Variants in ZBP1 observed in about 807,000 individuals in gnomAD.
ZBP1 encodes the protein Z-DNA-binding protein 1.
In ZBP1, 42 loss-of-function variants were observed where a neutral mutation model predicts 41.1. The observed-to-expected ratio is 1.02, with a 90% CI of 0.80 to 1.32. The LOEUF is 1.32. Among genes scored for constraint, ZBP1 ranks in the 40% most tolerant of loss-of-function variants. The pLI is 0.00. For missense variants in ZBP1, 562 were observed against 549.7 expected, an observed-to-expected ratio of 1.02 and a Z score of -0.22; for synonymous variants, 214 against 205.2, an observed-to-expected ratio of 1.04 and a Z score of -0.37.
At chr20:57,605,659 G>A (rs574826046) in intron 7 of ZBP1, among the ~76,000 whole-genome samples, 6 of 152,174 alleles carry the variant, frequency 3.9e-5, no homozygotes, top group Non-Finnish European at 7.3e-5. Flanking sequence ...AATGGGCCGG[G>A]CGCCGTGGGT....
Position 57,604,752 on chromosome 20 carries a change from T to G in ZBP1, c.1111A>C (p.Thr371Pro), listed in dbSNP as rs35727707. 15 of 1,613,970 alleles carry G rather than the reference T, an allele frequency of 9.3e-6. No individual in the cohort carries two copies. In the Admixed American group the frequency reaches 2.3e-4, roughly 25 times the overall value. ...CGAGGAAAGTGACTTCTGGATTGTGTGTCTGCGGGACGACGACCTAGGGAA... is the reference window on the plus strand; with the variant it reads ...CGAGGAAAGTGACTTCTGGATTGTGGGTCTGCGGGACGACGACCTAGGGAA... ...GEDAGRRPAD[T>P]QSRSHFPRDI... Residue 371 changes from threonine to proline, a missense_variant, in exon 8 of 8, where the codon ACA becomes CCA. Transcript: ENST00000371173.
rs182063619 is a variant in ZBP1, at chr20:57,610,611, C to T, written c.875-244G>A. On this transcript the variant is annotated intron_variant, in intron 6 of 7. Transcript: ENST00000371173. This position sits in a 1 kb window ranked among gnomAD's most constrained non-coding sequence, Gnocchi z 5.5. ...CGCAGTGGGTCTGCCCCACTGATCCCGCCCGGCTGATCTGGACGTCAGTGT... is the reference window on the plus strand; with the variant it reads ...CGCAGTGGGTCTGCCCCACTGATCCTGCCCGGCTGATCTGGACGTCAGTGT... The T allele has an allele frequency of 5.9e-5, 34 of 572,914 alleles. No homozygotes were observed. The highest frequency in any genetic ancestry group is 1.2e-4 in the Admixed American group (4 of 32,868). 35.5% of individuals were successfully genotyped at this position (572,914 alleles called of 1,614,324 possible).
intron 2 of ZBP1, chr20:57,616,041 C>G (rs1488305356): frequency 3.3e-6 from 2 of 609,656 alleles, no homozygotes; most frequent in Non-Finnish European, 5.8e-6. Flanking sequence ...GAGCCTGACG[C>G]AGGGCCTCCT....
chr20:57,605,499 C>T (rs973878991), intron 7 of ZBP1, among the ~76,000 whole-genome samples: 2 of 152,204 alleles, frequency 1.3e-5, no homozygotes, highest in Middle Eastern at 3.2e-3. Flanking sequence ...CCACAAATAT[C>T]ACCTGTAGAA....
At chr20:57,614,821 G>C (rs2070772938) in intron 4 of ZBP1, 66 bp downstream of exon 4, 2 of 1,589,246 alleles carry the variant, frequency 1.3e-6, no homozygotes, top group Non-Finnish European at 1.7e-6. Context: ...AGAGCACCCA[G>C]CAAAGACCAA....
At chr20:57,615,688 T>C (rs905228417) in intron 2 of ZBP1, 108 bp from the exon 3 acceptor site, 11 of 911,004 alleles carry the variant, frequency 1.2e-5, no homozygotes, top group Non-Finnish European at 1.3e-5. Flanking sequence ...TGCCGGTAGT[T>C]GCAAACTCAG....
rs1362198792 is a variant in ZBP1 at position 57,604,706 on chromosome 20, G to A, written c.1157C>T (p.Thr386Ile). 8.1e-6 allele frequency: 13 copies of A among 1,614,096 alleles called. No homozygotes were observed. Among genetic ancestry groups the A allele is most frequent in the Admixed American group, 5.0e-5 (3 of 60,006 alleles). ...HFPRDIGQPI[T>I]PSHSKLTPKL... ...GGGGGTGAGCTTCGAGTGGCTGGGA[G>A]TGATGGGCTGACCAATGTCTCGAGG... Residue 386 changes from threonine (T) to isoleucine (I), a missense_variant, in exon 8 of 8, where the codon ACT becomes ATT. Coordinates refer to ENST00000371173, the MANE Select transcript of ZBP1 (RefSeq NM_030776.3).
rs117918910 is a variant in ZBP1, at chr20:57,615,777, G to A, written c.260-197C>T. ...CGGCTTCCTGCCGATTAACTTCTCC[G>A]GGGCTCAGCCTCCTTTGCCTCCTGG... On this transcript the variant is annotated intron_variant, in intron 2 of 7. Transcript: ENST00000371173. 2,392 of 557,576 alleles carry A rather than the reference G, an allele frequency of 4.3e-3. 12 individuals are homozygous for A. The highest frequency in any genetic ancestry group is 5.3e-3 in the South Asian group (222 of 41,942). The allele number at this position is 557,576 out of a possible 1,614,324, so 34.5% of individuals were successfully genotyped here.
At position 57,610,537 on chromosome 20, in the gene ZBP1, G is replaced by GCCACAC; in HGVS notation, c.875-171_875-170insGTGTGG. On this transcript the variant is annotated intron_variant, in intron 6 of 7. Coordinates refer to ENST00000371173, the MANE Select transcript of ZBP1 (RefSeq NM_030776.3). This position sits in a 1 kb window ranked among gnomAD's most constrained non-coding sequence, Gnocchi z 5.5. ...CCACACCTCCACCCGCCACACCTCC[G>GCCACAC]CTCGTGCTGTTGTGCTGTCTGGGAA... 2 of 638,138 alleles carry GCCACAC rather than the reference G, an allele frequency of 3.1e-6. No homozygotes were observed. Among genetic ancestry groups the GCCACAC allele is most frequent in the Non-Finnish European group, 5.5e-6 (2 of 366,582 alleles). The allele number at this position is 638,138 out of a possible 1,614,324, so 39.5% of individuals were successfully genotyped here.
chr20:57,618,494 C>T (rs1600748145), intron 1 of ZBP1, among the ~76,000 whole-genome samples: 2 of 151,756 alleles, frequency 1.3e-5, no homozygotes, highest in South Asian at 4.2e-4. Context: ...ATTCCCACTC[C>T]TGCGCCCACC....
At position 57,610,050 on chromosome 20, in the gene ZBP1, C is replaced by T; in HGVS notation, c.1093+99G>A. 8.8e-6 allele frequency: 12 copies of T among 1,363,158 alleles called. No individual in the cohort carries two copies. The highest frequency in any genetic ancestry group is 1.2e-5 in the Non-Finnish European group (12 of 974,676). The allele number at this position is 1,363,158 out of a possible 1,614,324, so 84.4% of individuals were successfully genotyped here. On this transcript the variant is annotated intron_variant, in intron 7 of 7. Transcript: ENST00000371173. The surrounding 1 kb of genome is among the most constrained non-coding windows in gnomAD (Gnocchi z 5.5). ...GCACAGCCTCCAGACTCCGGGAAAC[C>T]AGAGATTAGCGAATGATCGATGAGA...
chr20:57,604,769 C>T lies in ZBP1; in HGVS notation c.1094G>A (p.Gly365Asp), dbSNP rs752307843. The change falls in exon 8 of 8, where the codon GGT becomes GAT. Residue 365 changes from glycine to aspartate, a missense_variant and splice_region_variant. Gly to Asp is a moderately conservative substitution (Grantham distance 94). Coordinates refer to ENST00000371173, the MANE Select transcript of ZBP1 (RefSeq NM_030776.3). Reference sequence around the variant, plus strand: ...GGATTGTGTGTCTGCGGGACGACGACCTAGGGAAGAGAAGATGGGGGATCA... The same window carrying T: ...GGATTGTGTGTCTGCGGGACGACGATCTAGGGAAGAGAAGATGGGGGATCA... Reference protein sequence around the residue: ...SGEGEPGEDAGRRPADTQSRS... With the variant: ...SGEGEPGEDADRRPADTQSRS... 1 of 1,611,708 alleles carries T rather than the reference C, an allele frequency of 6.2e-7. No individual in the cohort carries two copies. Among genetic ancestry groups the T allele is most frequent in the Admixed American group, 1.7e-5 (1 of 59,904 alleles).
chr20:57,613,438 T>G lies in ZBP1; in HGVS notation c.503-108A>C. ...TCCTGGGGAGCTTGTTAAAATACCC[T>G]GGGCGTTCCGAGTCAGTAGGGCCAA... is the stretch of plus-strand genomic sequence containing the variant. On this transcript the variant is annotated intron_variant, in intron 4 of 7. Transcript: ENST00000371173. The surrounding 1 kb of genome is among the most constrained non-coding windows in gnomAD (Gnocchi z 4.5). 3.9e-6 allele frequency: 5 copies of G among 1,279,906 alleles called. No homozygotes were observed. Among genetic ancestry groups the G allele is most frequent in the Non-Finnish European group, 5.5e-6 (5 of 912,966 alleles). The allele number at this position is 1,279,906 out of a possible 1,614,324, so 79.3% of individuals were successfully genotyped here.
chr20:57,614,710 G>C (rs1461869031), intron 4 of ZBP1, among the ~76,000 whole-genome samples, 177 bp downstream of exon 4: 1 of 152,208 alleles, frequency 6.6e-6, no homozygotes, highest in African/African-American at 2.4e-5. Context: ...AGCTGTCCCT[G>C]GTTAATCTTG....
At position 57,604,570 on chromosome 20, in the gene ZBP1, G is replaced by A. The variant is rs762134326; in HGVS notation, c.*3C>T. 6.2e-7 allele frequency: 1 copy of A among 1,612,638 alleles called. No individual in the cohort carries two copies. The highest frequency in any genetic ancestry group is 1.1e-5 in the South Asian group (1 of 90,860). ...GTGTCCAAGCCCCACGTGAGGCTGT[G>A]CACTAAATCCCACCTCCCCACCAGC... On this transcript the variant is annotated 3_prime_UTR_variant, in exon 8 of 8. Coordinates refer to ENST00000371173, the MANE Select transcript of ZBP1 (RefSeq NM_030776.3).
At chr20:57,615,715 C>T in intron 2 of ZBP1, 135 bp from the exon 3 acceptor site, 1 of 681,964 alleles carries the variant, frequency 1.5e-6, no homozygotes, top group Non-Finnish European at 2.4e-6. Flanking sequence ...GAGTTCAACA[C>T]ACTTGACTTC....
rs2146550330 is a variant in ZBP1, at chr20:57,604,606, T to C, written c.1257A>G (p.Ser419=). 1 of 1,614,048 alleles carries C rather than the reference T, an allele frequency of 6.2e-7. No homozygotes were observed. The highest frequency in any genetic ancestry group is 1.1e-5 in the South Asian group (1 of 91,072). ...CACCTCCCCACCAGCTCCCCTCGTG[T>C]GAGGCTTCATCCACATAGTGGCTGC... ...AEGSHYVDEA[S]HEGSWWGGGI The change falls in exon 8 of 8, where the codon TCA becomes TCG. Residue 419 remains serine (S), a synonymous_variant. Coordinates refer to ENST00000371173, the MANE Select transcript of ZBP1 (RefSeq NM_030776.3).
chr20:57,613,005 A>G lies in ZBP1; in HGVS notation c.670+158T>C. The G allele has an allele frequency of 6.8e-7, 1 of 1,470,628 alleles. No homozygotes were observed. Among genetic ancestry groups the G allele is most frequent in the Non-Finnish European group, 9.0e-7 (1 of 1,113,480 alleles). 91.1% of individuals were successfully genotyped at this position (1,470,628 alleles called of 1,614,324 possible). On this transcript the variant is annotated intron_variant, in intron 5 of 7. Coordinates refer to ENST00000371173, the MANE Select transcript of ZBP1 (RefSeq NM_030776.3). The surrounding 1 kb of genome is among the most constrained non-coding windows in gnomAD (Gnocchi z 4.5). ...CTTTGATCCAGGTGTCCTCATTCTC[A>G]GGACGGCCGTAAAGGTGGACTGTGG...
Position 57,616,230 on chromosome 20 carries a change from G to C in ZBP1, c.259+14C>G, listed in dbSNP as rs781480090. The C allele has an allele frequency of 2.5e-6, 4 of 1,613,386 alleles. No individual in the cohort carries two copies. The highest frequency in any genetic ancestry group is 1.3e-5 in the African/African-American group (1 of 74,918). On this transcript the variant is annotated intron_variant, in intron 2 of 7. Coordinates refer to ENST00000371173, the MANE Select transcript of ZBP1 (RefSeq NM_030776.3). ...CCTGCAGGGTCAGACCCGCCTCCCC[G>C]GGGTGGCAGTTACCAGGGCTGGACA...
Sources: gnomAD v4.1 joint callset for allele counts (sites outside exome capture counted in the v4.1 genomes callset) on GRCh38, gnomAD v4.1.1 for gene constraint, Gnocchi (gnomAD v3.1) non-coding constraint, MANE v1.5 for transcripts, NCBI Gene and HGNC (gene_info 2026-07-23, HGNC 2026-07-21) for gene names.